SHOC2: variants seen among roughly 807,000 people sequenced by gnomAD.
SHOC2 encodes the protein leucine-rich repeat protein SHOC-2.
SHOC2 carries 4 observed loss-of-function variants against 50.2 expected under a neutral mutation model. The ratio of observed to expected loss-of-function variants is 0.08; its 90% confidence interval spans 0.04 to 0.18. The LOEUF (loss-of-function observed/expected upper bound fraction) is 0.18. SHOC2 is among the 10% of genes least tolerant of loss of function. SHOC2 has a pLI of 1.00. For missense variants in SHOC2, 388 were observed against 669.6 expected (o/e 0.58, Z 4.64); for synonymous variants, 218 against 244.5 (o/e 0.89, Z 1.01).
chr10:110,940,062 A>G (rs145144905), intron 1 of SHOC2, among the ~76,000 whole-genome samples: 22 of 152,332 alleles, frequency 1.4e-4, no homozygotes, highest in African/African-American at 4.6e-4. Context: ...GACATAATGT[A>G]TTATTGGAAG....
chr10:110,936,879 C>T, intron 1 of SHOC2: 2 of 1,378,634 alleles, frequency 1.5e-6, no homozygotes, highest in Non-Finnish European at 2.1e-6. Context: ...GCAGGAACCA[C>T]CATCCGCTTT....
At chr10:110,925,485 C>T (rs1379871227) in intron 1 of SHOC2, among the ~76,000 whole-genome samples, 1 of 152,012 alleles carries the variant, frequency 6.6e-6, no homozygotes, top group South Asian at 2.1e-4. Context: ...GACAGGGTCT[C>T]GCTCTGTCAC....
At chr10:110,996,717 C>T (rs1848275091) in intron 3 of SHOC2, among the ~76,000 whole-genome samples, 1 of 152,100 alleles carries the variant, frequency 6.6e-6, no homozygotes, top group African/African-American at 2.4e-5. Context: ...ATACAACCTA[C>T]CTTTTTAATG....
intron 2 of SHOC2, among the ~76,000 whole-genome samples, chr10:110,976,879 C>G (rs1847888425): frequency 6.6e-6 from 1 of 152,022 alleles, no homozygotes; most frequent in Non-Finnish European, 1.5e-5. Flanking sequence ...TTATCTGAGT[C>G]TCTTATTACA....
At chr10:110,966,177 C>T (rs535321121) in intron 2 of SHOC2, among the ~76,000 whole-genome samples, 29 of 152,114 alleles carry the variant, frequency 1.9e-4, no homozygotes, top group Non-Finnish European at 3.8e-4. Flanking sequence ...TGACTTGTTA[C>T]ATTTAACTCT....
At chr10:111,005,121 C>T (rs541796909) in intron 5 of SHOC2, among the ~76,000 whole-genome samples, 5 of 152,074 alleles carry the variant, frequency 3.3e-5, no homozygotes, top group Admixed American at 6.5e-5. Flanking sequence ...GACCTTGTCT[C>T]GCAAAAATTT....
At chr10:110,965,452 C>A (rs778449922) in intron 2 of SHOC2, among the ~76,000 whole-genome samples, 11 of 152,116 alleles carry the variant, frequency 7.2e-5, no homozygotes, top group Non-Finnish European at 1.3e-4. Context: ...GACTTTTCCA[C>A]CTTTATCTGA....
At chr10:110,973,774 T>C (rs1847826548) in intron 2 of SHOC2, among the ~76,000 whole-genome samples, 1 of 151,956 alleles carries the variant, frequency 6.6e-6, no homozygotes, top group Non-Finnish European at 1.5e-5. Flanking sequence ...TGAAATTTTG[T>C]AGTTTGATCT....
At chr10:110,951,698 C>G (rs1452296549) in intron 1 of SHOC2, 1 of 152,146 alleles carries the variant, frequency 6.6e-6, no homozygotes, top group East Asian at 1.9e-4. Context: ...GCCTTCAAAT[C>G]TAGGAAATCC....
rs138972200 is a variant in SHOC2, at chr10:110,941,584, A to G, written c.-235+21927A>G. Reference sequence around the variant, plus strand: ...TGGCCTCAAGTGATCCACCTGCCTCAGCCTCCCAAAGTGAGGCATGAGCCA... The same window carrying G: ...TGGCCTCAAGTGATCCACCTGCCTCGGCCTCCCAAAGTGAGGCATGAGCCA... On this transcript the variant is annotated intron_variant, in intron 1 of 8. Coordinates refer to ENST00000369452, the MANE Select transcript of SHOC2 (RefSeq NM_007373.4). 2.0e-5 allele frequency among the ~76,000 whole-genome samples: 3 copies of G among 152,256 alleles called. No homozygotes were observed. In the East Asian group the frequency reaches 5.8e-4, roughly 29 times the overall value.
Position 110,999,236 on chromosome 10 carries a change from C to G in SHOC2, c.842-1179C>G, listed in dbSNP as rs546727576. Among the ~76,000 whole-genome samples the G allele has an allele frequency of 2.0e-5, 3 of 152,128 alleles. No individual in the cohort carries two copies. The East Asian group carries it at 5.8e-4, about 29-fold the overall frequency. ...CATAGCAACAGTTGTGATTTGAAGT[C>G]AAAAAAGAAATTAATCAGCCACAAC... On this transcript the variant is annotated intron_variant, in intron 3 of 8. Transcript: ENST00000369452.
At chr10:111,001,894 C>T (rs906985064) in intron 4 of SHOC2, among the ~76,000 whole-genome samples, 2 of 152,066 alleles carry the variant, frequency 1.3e-5, no homozygotes, top group African/African-American at 2.4e-5. Flanking sequence ...AAAAAATTAG[C>T]TGGGTGAGGT....
chr10:110,985,540 A>C, intron 2 of SHOC2, 88 bp from the exon 3 acceptor site: 1 of 1,017,874 alleles, frequency 9.8e-7, no homozygotes, highest in Non-Finnish European at 1.5e-6. Context: ...TGTGTTCAGA[A>C]ATTATAGATT....
At chr10:110,924,972 G>A (rs764653846) in intron 1 of SHOC2, among the ~76,000 whole-genome samples, 17 of 149,782 alleles carry the variant, frequency 1.1e-4, no homozygotes, top group Non-Finnish European at 2.5e-4. Flanking sequence ...TCGGGAGGCT[G>A]AGGCAGGAGA....
intron 1 of SHOC2, among the ~76,000 whole-genome samples, chr10:110,944,105 C>T (rs1440550942): frequency 1.3e-5 from 2 of 152,208 alleles, no homozygotes; most frequent in Non-Finnish European, 2.9e-5. Context: ...ATGACAAAAA[C>T]ATACCTTGGA....
At chr10:110,976,021 C>G (rs1590812763) in intron 2 of SHOC2, among the ~76,000 whole-genome samples, 1 of 152,092 alleles carries the variant, frequency 6.6e-6, no homozygotes, top group African/African-American at 2.4e-5. Context: ...AGTGATTCTC[C>G]TGCTTCAGCC....
At chr10:110,956,024 G>A (rs1847454175) in intron 1 of SHOC2, among the ~76,000 whole-genome samples, 1 of 152,044 alleles carries the variant, frequency 6.6e-6, no homozygotes, top group African/African-American at 2.4e-5. Flanking sequence ...TAATTACATG[G>A]GTCACACAAC....
At chr10:110,933,421 G>T (rs1432888823) in intron 1 of SHOC2, among the ~76,000 whole-genome samples, 2 of 152,058 alleles carry the variant, frequency 1.3e-5, no homozygotes, top group Non-Finnish European at 2.9e-5. Flanking sequence ...ACTTATGTTT[G>T]TACAAGATAA....
At chr10:110,985,502 A>G (rs1032790861) in intron 2 of SHOC2, 126 bp from the exon 3 acceptor site, 68 of 636,420 alleles carry the variant, frequency 1.1e-4, no homozygotes, top group Non-Finnish European at 1.6e-4. Context: ...AAAGTTGCCT[A>G]TCTAATAAGG....
Sources: gnomAD v4.1 joint callset for allele counts (sites outside exome capture counted in the v4.1 genomes callset) on GRCh38, gnomAD v4.1.1 for gene constraint, MANE v1.5 for transcripts, NCBI Gene and HGNC (gene_info 2026-07-23, HGNC 2026-07-21) for gene names.